COLGALT1: variants seen among roughly 807,000 people sequenced by gnomAD.
COLGALT1 encodes collagen beta(1-O)galactosyltransferase 1.
Under a neutral mutation model 60.8 loss-of-function variants are expected in COLGALT1, and 43 were observed. The observed-to-expected ratio is 0.71, with a 90% CI of 0.55 to 0.91. The LOEUF is 0.91. COLGALT1 is among the 40% of genes least tolerant of loss of function. The pLI is 0.00. For missense variants in COLGALT1, 845 were observed against 880.0 expected, an observed-to-expected ratio of 0.96 and a Z score of 0.50; for synonymous variants, 369 against 374.2, an observed-to-expected ratio of 0.99 and a Z score of 0.16.
At chr19:17,574,475 T>G (rs1419317162) in intron 6 of COLGALT1, among the ~76,000 whole-genome samples, 1 of 151,766 alleles carries the variant, frequency 6.6e-6, no homozygotes, top group Non-Finnish European at 1.5e-5. Context: ...GGATTACAGG[T>G]ACCTGCCACC....
chr19:17,569,083 G>C (rs559374625), intron 5 of COLGALT1, among the ~76,000 whole-genome samples: 1 of 152,086 alleles, frequency 6.6e-6, no homozygotes, highest in African/African-American at 2.4e-5. Flanking sequence ...ACAAAAATTA[G>C]CCGGACGTGG....
Position 17,581,487 on chromosome 19 carries a change from GC to G in COLGALT1, c.*44del, listed in dbSNP as rs1231711093. 4 of 1,576,334 alleles carry G rather than the reference GC, an allele frequency of 2.5e-6. No individual in the cohort carries two copies. Among genetic ancestry groups the G allele is most frequent in the Non-Finnish European group, 3.4e-6 (4 of 1,166,446 alleles). ...GCCAAAGCAGCCATCGGTGGCCCAG[GC>G]TCCACGTGCTTACTGAGGACATCAG... On this transcript the variant is annotated 3_prime_UTR_variant, in exon 12 of 12. Transcript: ENST00000252599.
rs1338816959 is a variant in COLGALT1 at position 17,582,097 on chromosome 19, C to CG, written c.*657dup. 3.3e-5 allele frequency: 5 copies of CG among 152,494 alleles called. No individual in the cohort carries two copies. The highest frequency in any genetic ancestry group is 5.8e-5 in the Non-Finnish European group (4 of 68,426). The allele number at this position is 152,494 out of a possible 1,614,324, so 9.4% of individuals were successfully genotyped here. On this transcript the variant is annotated 3_prime_UTR_variant, in exon 12 of 12. Coordinates refer to ENST00000252599, the MANE Select transcript of COLGALT1 (RefSeq NM_024656.4). ...CTAGTTTTTGTATTTTTAGTAGAGA[C>CG]GGGGTTTCACCATGTTGGCCAGGCT...
rs540179145 is a variant in COLGALT1 at position 17,558,577 on chromosome 19, C to G, written c.261-734C>G. 1.2e-3 allele frequency among the ~76,000 whole-genome samples: 186 copies of G among 151,730 alleles called. 1 individual carries two copies. The highest frequency in any genetic ancestry group is 4.3e-3 in the African/African-American group (180 of 41,398). ...CCTGTAATCCCAGCTACTCGGGAGG[C>G]TGAGGCAGGAGAATTGCTTGGACCT... On this transcript the variant is annotated intron_variant, in intron 1 of 11. Transcript: ENST00000252599.
chr19:17,577,743 AAGTC>A (rs1364557969), intron 8 of COLGALT1, among the ~76,000 whole-genome samples: 3 of 151,910 alleles, frequency 2.0e-5, no homozygotes, highest in Admixed American at 6.6e-5. Context: ...GTGGAGGGGT[AAGTC>A]AGTCAGACCC....
Position 17,555,965 on chromosome 19 carries a change from G to A in COLGALT1, c.252G>A (p.Thr84=). The change falls in exon 1 of 12, where the codon ACG becomes ACA. Residue 84 remains threonine (T), a synonymous_variant. Coordinates refer to ENST00000252599, the MANE Select transcript of COLGALT1 (RefSeq NM_024656.4). ...LERLRHPRER[T]ALWVATDHNM... is the part of the protein sequence containing the mutation. ...GGCTGCGGCACCCGCGGGAGCGCAC[G>A]GCGCTATGGTGAGTCGAGCCCGCTG... The A allele has an allele frequency of 7.3e-7, 1 of 1,364,754 alleles. No homozygotes were observed. The highest frequency in any genetic ancestry group is 3.5e-5 in the Admixed American group (1 of 28,812). 84.5% of individuals were successfully genotyped at this position (1,364,754 alleles called of 1,614,324 possible). A position where few individuals can be genotyped will look rare whatever the true frequency, so the allele number is the denominator to read the frequency against.
intron 1 of COLGALT1, chr19:17,556,529 G>C: frequency 1.0e-6 from 1 of 985,658 alleles, no homozygotes; most frequent in Non-Finnish European, 1.2e-6. Flanking sequence ...GGCCCAGGAG[G>C]AAGTGGATGC....
intron 11 of COLGALT1, 50 bp from the exon 12 acceptor site, chr19:17,581,127 C>T (rs778450738): frequency 6.3e-7 from 1 of 1,585,756 alleles, no homozygotes. Flanking sequence ...TCCAGCTGTC[C>T]CGTCCCCTGA....
intron 1 of COLGALT1, among the ~76,000 whole-genome samples, chr19:17,557,421 C>A (rs866506040): frequency 6.6e-6 from 1 of 151,746 alleles, no homozygotes; most frequent in African/African-American, 2.4e-5. Context: ...CTGCCTCAGC[C>A]TCCCGAGTAG....
intron 3 of COLGALT1, among the ~76,000 whole-genome samples, chr19:17,566,668 G>T (rs998781851): frequency 6.6e-6 from 1 of 152,062 alleles, no homozygotes; most frequent in Non-Finnish European, 1.5e-5. Context: ...GGTGACGTGT[G>T]CCTGTACGCT....
rs565357496 is a variant in COLGALT1 at position 17,559,135 on chromosome 19, G to T, written c.261-176G>T. Among the ~76,000 whole-genome samples, 139 of 152,230 alleles carry T rather than the reference G, an allele frequency of 9.1e-4. 1 individual carries two copies. The highest frequency in any genetic ancestry group is 2.7e-3 in the South Asian group (13 of 4,824). ...AGATCGCGCCACTGCACTCCAGCCTGGGCAACAGAGCGAGACTCTGTCTCA... is the reference window on the plus strand; with the variant it reads ...AGATCGCGCCACTGCACTCCAGCCTTGGCAACAGAGCGAGACTCTGTCTCA... On this transcript the variant is annotated intron_variant, in intron 1 of 11. Transcript: ENST00000252599.
intron 1 of COLGALT1, among the ~76,000 whole-genome samples, chr19:17,558,931 T>C (rs567677943): frequency 1.3e-5 from 2 of 151,638 alleles, no homozygotes; most frequent in East Asian, 2.0e-4. Context: ...GAGGCCAAGG[T>C]GGGCGGATCA....
intron 5 of COLGALT1, among the ~76,000 whole-genome samples, 169 bp downstream of exon 5, chr19:17,568,882 C>T (rs369401389): frequency 6.6e-6 from 1 of 152,156 alleles, no homozygotes; most frequent in Non-Finnish European, 1.5e-5. Flanking sequence ...TCCAGGACCC[C>T]GTTTCTCTCC....
chr19:17,564,592 A>G lies in COLGALT1; in HGVS notation c.490-2814A>G, dbSNP rs375356340. 2.6e-5 allele frequency among the ~76,000 whole-genome samples: 4 copies of G among 151,364 alleles called. No homozygotes were observed. The East Asian group carries it at 5.8e-4, about 22-fold the overall frequency. ...CCACCATGCCTGGCTAAGTTTTTGT[A>G]TTTTTAGTGGAGATGGGGTTTCGCC... On this transcript the variant is annotated intron_variant, in intron 3 of 11. Coordinates refer to ENST00000252599, the MANE Select transcript of COLGALT1 (RefSeq NM_024656.4).
At chr19:17,577,134 G>C in intron 6 of COLGALT1, 61 bp from the exon 7 acceptor site, 1 of 1,540,588 alleles carries the variant, frequency 6.5e-7, no homozygotes, top group Non-Finnish European at 8.9e-7. Context: ...TGGGGAAAGC[G>C]TGTTGGAGAG....
chr19:17,564,413 C>CTTTTT (rs71162155), intron 3 of COLGALT1, among the ~76,000 whole-genome samples: 1 of 104,188 alleles, frequency 9.6e-6, no homozygotes, highest in African/African-American at 3.5e-5. Context: ...AAAACATCTA[C>CTTTTT]TTTTTTTTTT....
Position 17,581,217 on chromosome 19 carries a change from G to A in COLGALT1, c.1642G>A (p.Ala548Thr). 1 of 1,608,546 alleles carries A rather than the reference G, an allele frequency of 6.2e-7. No individual in the cohort carries two copies. Among genetic ancestry groups the A allele is most frequent in the Non-Finnish European group, 8.5e-7 (1 of 1,179,204 alleles). Residue 548 changes from alanine (A) to threonine (T), a missense_variant, in exon 12 of 12, where the codon GCC becomes ACC. Coordinates refer to ENST00000252599, the MANE Select transcript of COLGALT1 (RefSeq NM_024656.4). ...CCACTTCTCCCTCCGCAACCTGCAT[G>A]CCTTCTCTGTGGAGCCGCTGCTCAT... The part of the protein sequence containing the change: ...KAHFSLRNLH[A>T]FSVEPLLIYP...
rs553029494 is a variant in COLGALT1 at position 17,557,334 on chromosome 19, C to T, written c.260+1361C>T. On this transcript the variant is annotated intron_variant, in intron 1 of 11. Coordinates refer to ENST00000252599, the MANE Select transcript of COLGALT1 (RefSeq NM_024656.4). ...TTTTTTTCTCTCAGACGGAATCTTG[C>T]TCTGTCGCCCAGGCTGGAGTACAGT... 2.6e-5 allele frequency among the ~76,000 whole-genome samples: 4 copies of T among 152,226 alleles called. No homozygotes were observed. In the South Asian group the frequency reaches 8.3e-4, roughly 32 times the overall value.
At chr19:17,567,376 C>G in intron 3 of COLGALT1, 30 bp from the exon 4 acceptor site, 1 of 1,611,830 alleles carries the variant, frequency 6.2e-7, no homozygotes, top group Non-Finnish European at 8.5e-7. Flanking sequence ...CCTGGCAGCC[C>G]ATGCTGATGC....
Sources: allele counts gnomAD v4.1 joint callset (sites outside exome capture counted in the v4.1 genomes callset), GRCh38; gene constraint gnomAD v4.1.1; transcripts MANE v1.5; gene names NCBI Gene and HGNC (gene_info 2026-07-23, HGNC 2026-07-21).